Variants in PDE4A observed in about 807,000 individuals in gnomAD.
The protein encoded by PDE4A is phosphodiesterase 4A.
In PDE4A, 21 loss-of-function variants were observed where a neutral mutation model predicts 73.9. The observed-to-expected ratio is 0.28, with a 90% confidence interval of 0.20 to 0.41. The LOEUF (loss-of-function observed/expected upper bound fraction) is 0.41, where lower values mean the gene tolerates loss of function less well. PDE4A is among the 10% of genes least tolerant of loss of function. The pLI is 1.00. For missense variants in PDE4A, 958 were observed against 1,211.4 expected (o/e 0.79, Z 3.10); for synonymous variants, 463 against 505.4 (o/e 0.92, Z 1.13).
Position 10,432,967 on chromosome 19 carries a change from C to G in PDE4A, c.320+11883C>G, listed in dbSNP as rs567664553. Among the ~76,000 whole-genome samples, 3 of 152,320 alleles carry G rather than the reference C, an allele frequency of 2.0e-5. No individual in the cohort carries two copies. In the South Asian group the frequency reaches 6.2e-4, roughly 32 times the overall value. On this transcript the variant is annotated intron_variant, in intron 1 of 14. Transcript: ENST00000380702. ...AGTGTCTCCAGCCTTACCTTCCCCA[C>G]CCCCTCTCATGCTGGAGCTGCCAGG...
chr19:10,417,920 T>A, upstream of PDE4A: 2 of 1,510,324 alleles, frequency 1.3e-6, no homozygotes. Flanking sequence ...CAGTGCCAAC[T>A]GGGCTAGGTC....
chr19:10,422,840 G>A (rs1225831961), intron 1 of PDE4A, among the ~76,000 whole-genome samples: 1 of 152,124 alleles, frequency 6.6e-6, no homozygotes, highest in Non-Finnish European at 1.5e-5. Context: ...CTGGGGCAGG[G>A]GGCCAAACTG....
chr19:10,464,462 G>A (rs558705856), intron 14 of PDE4A: 1 of 454,976 alleles, frequency 2.2e-6, no homozygotes, highest in South Asian at 1.6e-5. Flanking sequence ...TGTTGCCCAG[G>A]GTAGCATGCA....
At chr19:10,459,271 T>C in intron 8 of PDE4A, 129 bp from the exon 9 acceptor site, 1 of 1,504,560 alleles carries the variant, frequency 6.6e-7, no homozygotes, top group African/African-American at 1.4e-5. Context: ...TTCTGTGCTG[T>C]TGAACCTGTC....
chr19:10,439,967 G>A (rs1466112700), intron 1 of PDE4A, among the ~76,000 whole-genome samples: 2 of 149,876 alleles, frequency 1.3e-5, no homozygotes, highest in South Asian at 2.1e-4. Flanking sequence ...CCTAATAGGC[G>A]TGACATGGTA....
Position 10,467,574 on chromosome 19 carries a change from G to T in PDE4A, c.2614G>T (p.Ala872Ser), listed in dbSNP as rs201190584. The change falls in exon 15 of 15, where the codon GCA becomes TCA. Residue 872 changes from alanine (A) to serine (S), a missense_variant. Coordinates refer to ENST00000380702, the MANE Select transcript of PDE4A (RefSeq NM_001111307.2). Reference sequence around the variant, plus strand: ...AGGGACATTTGGGGAGGACACATCCGCACTCCCAGCTCCTGGTGGCGGGGG... The same window carrying T: ...AGGGACATTTGGGGAGGACACATCCTCACTCCCAGCTCCTGGTGGCGGGGG... ...CAGTFGEDTS[A>S]LPAPGGGGSG... The T allele has an allele frequency of 3.1e-6, 5 of 1,598,834 alleles. No homozygotes were observed. The highest frequency in any genetic ancestry group is 3.4e-5 in the Admixed American group (2 of 58,974).
intron 1 of PDE4A, among the ~76,000 whole-genome samples, chr19:10,443,408 G>T (rs1599425449): frequency 1.3e-5 from 2 of 152,162 alleles, no homozygotes; most frequent in East Asian, 3.9e-4. Context: ...ATCTGGGGGT[G>T]GTGGCATGTG....
intron 1 of PDE4A, chr19:10,430,914 G>T (rs1272907685): frequency 1.3e-6 from 2 of 1,502,450 alleles, no homozygotes; most frequent in Non-Finnish European, 1.8e-6. Flanking sequence ...GGCGGTGGCG[G>T]CTGAGGACGA....
upstream of PDE4A, chr19:10,420,476 C>A: frequency 9.5e-6 from 2 of 211,258 alleles, no homozygotes; most frequent in Middle Eastern, 2.3e-3. This position sits in a 1 kb window ranked among gnomAD's most constrained non-coding sequence, Gnocchi z 6.0. Context: ...AGGGGCGGGA[C>A]GGGGCGGAGG....
chr19:10,433,214 A>G (rs1297137850), intron 1 of PDE4A, among the ~76,000 whole-genome samples: 1 of 152,066 alleles, frequency 6.6e-6, no homozygotes, highest in Non-Finnish European at 1.5e-5. Flanking sequence ...TGTTTACCGT[A>G]CTAGGTATGG....
upstream of PDE4A, chr19:10,417,850 G>T: frequency 1.3e-6 from 2 of 1,558,114 alleles, no homozygotes; most frequent in South Asian, 2.3e-5. Flanking sequence ...TCCATCACCA[G>T]GGCCGAGAAC....
rs1169070596 is a variant in PDE4A, at chr19:10,426,867, C to CA, written c.320+5796dup. On this transcript the variant is annotated intron_variant, in intron 1 of 14. Coordinates refer to ENST00000380702, the MANE Select transcript of PDE4A (RefSeq NM_001111307.2). Reference sequence around the variant, plus strand: ...TGGGTGACAAAGCCAGACTCCGTCTCAAAAAAAAAAAAAGAAATAGCAAGT... The same window carrying CA: ...TGGGTGACAAAGCCAGACTCCGTCTCAAAAAAAAAAAAAAGAAATAGCAAGT... 3.6e-3 allele frequency among the ~76,000 whole-genome samples: 356 copies of CA among 99,104 alleles called. 1 individual carries two copies. Among genetic ancestry groups the CA allele is most frequent in the African/African-American group, 9.4e-3 (245 of 26,158 alleles). 65.0% of individuals were successfully genotyped at this position (99,104 alleles called of 152,430 possible).
At chr19:10,423,156 T>TA in intron 1 of PDE4A, 70 of 796,632 alleles carry the variant, frequency 8.8e-5, no homozygotes, top group South Asian at 1.2e-4. Context: ...AAACCCTTTC[T>TA]CTTTTTTTTT....
intron 13 of PDE4A, among the ~76,000 whole-genome samples, chr19:10,462,534 C>A (rs1431382698): frequency 6.6e-6 from 1 of 152,134 alleles, no homozygotes; most frequent in Non-Finnish European, 1.5e-5. Context: ...GTCACCCAGT[C>A]TGGTCTCAAA....
chr19:10,457,130 G>A (rs2043182489), intron 7 of PDE4A, among the ~76,000 whole-genome samples: 1 of 152,120 alleles, frequency 6.6e-6, no homozygotes. Context: ...CCCGGGAGGT[G>A]GAGGCTACAG....
chr19:10,460,390 T>C (rs1213436555), intron 10 of PDE4A, among the ~76,000 whole-genome samples: 1 of 151,534 alleles, frequency 6.6e-6, no homozygotes, highest in Non-Finnish European at 1.5e-5. Context: ...TCCCAGCTAC[T>C]CCAGAGGCTG....
chr19:10,453,169 C>A lies in PDE4A; in HGVS notation c.784-1660C>A. On this transcript the variant is annotated intron_variant, in intron 6 of 14. Transcript: ENST00000380702. This position sits in a 1 kb window ranked among gnomAD's most constrained non-coding sequence, Gnocchi z 4.6. Reference sequence around the variant, plus strand: ...CCGCGGCTCCCCCTTCCACTACCCACCTGCCCGGCACCCCCTCCCCAGTGG... The same window carrying A: ...CCGCGGCTCCCCCTTCCACTACCCAACTGCCCGGCACCCCCTCCCCAGTGG... The A allele has an allele frequency of 6.8e-7, 1 of 1,469,020 alleles. No individual in the cohort carries two copies. Among genetic ancestry groups the A allele is most frequent in the Non-Finnish European group, 9.0e-7 (1 of 1,106,972 alleles). The allele number at this position is 1,469,020 out of a possible 1,614,324, so 91.0% of individuals were successfully genotyped here.
At position 10,469,446 on chromosome 19, in the gene PDE4A, C is replaced by G. The variant is rs987541673; in HGVS notation, c.*1825C>G. On this transcript the variant is annotated 3_prime_UTR_variant, in exon 15 of 15. Coordinates refer to ENST00000380702, the MANE Select transcript of PDE4A (RefSeq NM_001111307.2). The stretch of plus-strand genomic sequence containing the variant: ...GCTGGGCAGAGCCTGTCCCCTCCCC[C>G]CTTCTCCAGGAGCCAGGGGGTGACT... 13 of 152,306 alleles carry G rather than the reference C, an allele frequency of 8.5e-5. No homozygotes were observed. The highest frequency in any genetic ancestry group is 6.6e-4 in the Admixed American group (10 of 15,262). The allele number at this position is 152,306 out of a possible 1,614,324, so 9.4% of individuals were successfully genotyped here. A position where few individuals can be genotyped will look rare whatever the true frequency, so the allele number is the denominator to read the frequency against.
In PDE4A at chr19:10,424,116, G is replaced by A. The variant is rs1475091392; in HGVS notation, c.320+3032G>A. Among the ~76,000 whole-genome samples, 1 of 152,214 alleles carries A rather than the reference G, an allele frequency of 6.6e-6. No homozygotes were observed. Among genetic ancestry groups the A allele is most frequent in the Non-Finnish European group, 1.5e-5 (1 of 68,044 alleles). On this transcript the variant is annotated intron_variant, in intron 1 of 14. Coordinates refer to ENST00000380702, the MANE Select transcript of PDE4A (RefSeq NM_001111307.2). This position sits in a 1 kb window ranked among gnomAD's most constrained non-coding sequence, Gnocchi z 4.8. ...GAGAGGGCACTGCCCACCCCCAACC[G>A]GAGATGTCATCCAAACCTCCCCTCC...
Sources: gnomAD v4.1 joint callset for allele counts (sites outside exome capture counted in the v4.1 genomes callset) on GRCh38, gnomAD v4.1.1 for gene constraint, Gnocchi (gnomAD v3.1) non-coding constraint, MANE v1.5 for transcripts, NCBI Gene and HGNC (gene_info 2026-07-23, HGNC 2026-07-21) for gene names.